FMO4: variants seen among roughly 807,000 people sequenced by gnomAD.
FMO4 encodes the protein dimethylaniline monooxygenase [N-oxide-forming] 4.
A neutral mutation model predicts 43.3 loss-of-function variants in FMO4; 38 were observed. The ratio of observed to expected loss-of-function variants is 0.88; its 90% CI spans 0.68 to 1.15. FMO4 has a LOEUF of 1.15. FMO4 is among the 50% of genes most tolerant of loss of function. The probability of loss-of-function intolerance (pLI) is 0.00; values close to 1 mark genes in which losing one functional copy is unlikely to be tolerated. For missense variants in FMO4, 631 were observed against 663.3 expected (o/e 0.95, Z 0.54); for synonymous variants, 224 against 232.2 (o/e 0.96, Z 0.32).
rs751176716 is a variant in FMO4, at chr1:171,334,535, G to A, written c.952G>A (p.Glu318Lys). The change falls in exon 8 of 10, where the codon GAA becomes AAA. Residue 318 changes from glutamate (E) to lysine (K), a missense_variant. By Grantham distance (56) the Glu-to-Lys change is moderately conservative (BLOSUM62 1). Transcript: ENST00000367749. Reference sequence around the variant, plus strand: ...TGCTGTCTTTGAAGATGGGACAGTGGAAGAAAACATTGATGTTGTGATCTT... The same window carrying A: ...TGCTGTCTTTGAAGATGGGACAGTGAAAGAAAACATTGATGTTGTGATCTT... ...TSAVFEDGTVEENIDVVIFTT... is the reference protein window; with the variant it reads ...TSAVFEDGTVKENIDVVIFTT... The A allele has an allele frequency of 8.1e-6, 13 of 1,613,688 alleles. No individual in the cohort carries two copies. In the African/African-American group the frequency reaches 1.5e-4, roughly 18 times the overall value.
At chr1:171,338,478 C>T (rs915999203) in intron 9 of FMO4, among the ~76,000 whole-genome samples, 8 of 152,178 alleles carry the variant, frequency 5.3e-5, no homozygotes, top group African/African-American at 1.9e-4. Flanking sequence ...GCCCTCACTG[C>T]CTACTGCTCT....
In FMO4 at chr1:171,332,394, T is replaced by C. The variant is rs541687981; in HGVS notation, c.628-315T>C. The stretch of plus-strand genomic sequence containing the variant: ...AAGGTAAAATTGCTTTTCCATACCT[T>C]CACTTTAAGTTCTATTTTGCTTACA... On this transcript the variant is annotated intron_variant, in intron 6 of 9. Coordinates refer to ENST00000367749, the MANE Select transcript of FMO4 (RefSeq NM_002022.3). 1.6e-3 allele frequency among the ~76,000 whole-genome samples: 241 copies of C among 152,318 alleles called. 2 individuals are homozygous for C. Among genetic ancestry groups the C allele is most frequent in the African/African-American group, 5.0e-3 (209 of 41,572 alleles).
chr1:171,334,414 A>G lies in FMO4; in HGVS notation c.831A>G (p.Lys277=), dbSNP rs1342387392. The change falls in exon 8 of 10, where the codon AAA becomes AAG. Residue 277 remains lysine, a synonymous_variant. Coordinates refer to ENST00000367749, the MANE Select transcript of FMO4 (RefSeq NM_002022.3). ...AATTTTCTCCTGTGTGTCAAAGGAA[A>G]AAAGCAAAATTCATTGTGAATGATG... is the stretch of plus-strand genomic sequence containing the variant. The part of the protein sequence containing the change: ...EDYGLSITKG[K]KAKFIVNDEL... 1.9e-6 allele frequency: 3 copies of G among 1,561,570 alleles called. No individual in the cohort carries two copies. The highest frequency in any genetic ancestry group is 4.5e-5 in the East Asian group (2 of 44,300).
chr1:171,336,177 T>C (rs568034261), intron 8 of FMO4, among the ~76,000 whole-genome samples: 2 of 152,128 alleles, frequency 1.3e-5, no homozygotes, highest in East Asian at 3.9e-4. Flanking sequence ...ACTTGGTACC[T>C]GACAAAGGCA....
chr1:171,341,379 T>G, intron 9 of FMO4, 34 bp from the exon 10 acceptor site: 1 of 1,551,328 alleles, frequency 6.4e-7, no homozygotes, highest in South Asian at 1.2e-5. Flanking sequence ...GCAGGTGTGA[T>G]TAATGAAAGG....
chr1:171,329,529 A>G (rs967166674), intron 5 of FMO4, among the ~76,000 whole-genome samples: 9 of 152,232 alleles, frequency 5.9e-5, no homozygotes, highest in African/African-American at 2.2e-4. Flanking sequence ...TGTATTGTCA[A>G]CAGTGGGAGA....
In FMO4 at chr1:171,318,910, G is replaced by T. The variant is rs547268574; in HGVS notation, c.-8-908G>T. ...ATGTTCAAACCCCTTATGGGAAGGG[G>T]AGCATGCAGACAGGCAGGTGCAGGA... On this transcript the variant is annotated intron_variant, in intron 2 of 9. Transcript: ENST00000367749. Among the ~76,000 whole-genome samples, 370 of 152,342 alleles carry T rather than the reference G, an allele frequency of 2.4e-3. 5 individuals are homozygous for T. The highest frequency in any genetic ancestry group is 1.4e-3 in the Non-Finnish European group (95 of 68,036).
Position 171,337,435 on chromosome 1 carries a change from G to A in FMO4, c.1250+10G>A. The A allele has an allele frequency of 6.3e-7, 1 of 1,594,488 alleles. No individual in the cohort carries two copies. The highest frequency in any genetic ancestry group is 8.6e-7 in the Non-Finnish European group (1 of 1,162,256). The stretch of plus-strand genomic sequence containing the variant: ...AACAGCTCATTAAAAGGTATGAAAT[G>A]TAGCTTGCTCTAGGGCAAACTTACA... On this transcript the variant is annotated intron_variant, in intron 9 of 9. Transcript: ENST00000367749.
chr1:171,339,955 G>A (rs1663299666), intron 9 of FMO4, among the ~76,000 whole-genome samples: 2 of 152,158 alleles, frequency 1.3e-5, no homozygotes, highest in Admixed American at 6.5e-5. Flanking sequence ...TGAAGACTAC[G>A]AGTTTTAGCC....
At chr1:171,328,767 A>G (rs933880946) in intron 5 of FMO4, among the ~76,000 whole-genome samples, 1 of 152,156 alleles carries the variant, frequency 6.6e-6, no homozygotes, top group Non-Finnish European at 1.5e-5. Context: ...AACAGGCTAT[A>G]TAAGATACGA....
chr1:171,319,090 AC>A, intron 2 of FMO4, among the ~76,000 whole-genome samples: 1 of 152,304 alleles, frequency 6.6e-6, no homozygotes, highest in East Asian at 1.9e-4. Flanking sequence ...CCCTTTTGGT[AC>A]CCAGGTCCTT....
chr1:171,340,443 C>T (rs1466735652), intron 9 of FMO4, among the ~76,000 whole-genome samples: 1 of 152,122 alleles, frequency 6.6e-6, no homozygotes, highest in African/African-American at 2.4e-5. Context: ...GAACAAAAAA[C>T]CCAGTGCGCC....
Position 171,332,017 on chromosome 1 carries a change from T to C in FMO4, c.627+235T>C, listed in dbSNP as rs893169237. 1.8e-4 allele frequency among the ~76,000 whole-genome samples: 27 copies of C among 152,190 alleles called. 1 individual carries two copies. Among genetic ancestry groups the C allele is most frequent in the Admixed American group, 1.6e-3 (24 of 15,272 alleles). ...CTCCAAGAAGGGTCTAGGAAAATTG[T>C]GTGGATGCCAGACCTCTAAGCATTT... On this transcript the variant is annotated intron_variant, in intron 6 of 9. Transcript: ENST00000367749.
At chr1:171,326,798 T>TA (rs1662686161) in intron 5 of FMO4, among the ~76,000 whole-genome samples, 2 of 152,330 alleles carry the variant, frequency 1.3e-5, no homozygotes, top group East Asian at 3.9e-4. Context: ...TGACTGCTGT[T>TA]AGATTTCAAT....
chr1:171,332,237 C>G (rs1470270993), intron 6 of FMO4, among the ~76,000 whole-genome samples: 1 of 152,162 alleles, frequency 6.6e-6, no homozygotes, highest in East Asian at 1.9e-4. Flanking sequence ...GAAAGCAACT[C>G]TTGCACAACA....
At chr1:171,328,275 T>A (rs563277348) in intron 5 of FMO4, among the ~76,000 whole-genome samples, 1 of 152,166 alleles carries the variant, frequency 6.6e-6, no homozygotes, top group African/African-American at 2.4e-5. Context: ...ACTCCTGACC[T>A]CAGGCAATCC....
At chr1:171,318,310 G>C (rs759246635) in intron 2 of FMO4, among the ~76,000 whole-genome samples, 1 of 144,258 alleles carries the variant, frequency 6.9e-6, no homozygotes, top group Non-Finnish European at 1.5e-5. Context: ...GAGCAAGACT[G>C]TCTCAAAATA....
chr1:171,317,845 T>TC (rs1184433756), intron 2 of FMO4, among the ~76,000 whole-genome samples: 5 of 152,196 alleles, frequency 3.3e-5, no homozygotes. Context: ...TCTTTAGGAC[T>TC]CTAAATGCTT....
At chr1:171,327,809 G>A (rs1662728090) in intron 5 of FMO4, among the ~76,000 whole-genome samples, 3 of 152,070 alleles carry the variant, frequency 2.0e-5, no homozygotes, top group African/African-American at 7.2e-5. Context: ...CCAGCTACTC[G>A]GGCGGCTGAG....
Sources: gnomAD v4.1 joint callset for allele counts (sites outside exome capture counted in the v4.1 genomes callset) on GRCh38, gnomAD v4.1.1 for gene constraint, MANE v1.5 for transcripts, NCBI Gene and HGNC (gene_info 2026-07-23, HGNC 2026-07-21) for gene names.